BARD1: variants seen among roughly 807,000 people sequenced by gnomAD.
The protein encoded by BARD1 is BRCA1-associated RING domain protein 1.
A neutral mutation model predicts 77.0 loss-of-function variants in BARD1; 73 were observed. That is an observed-to-expected ratio of 0.95 (90% CI 0.79 to 1.15). BARD1 has a LOEUF of 1.15. Among genes scored for constraint, BARD1 ranks in the 50% most tolerant of loss-of-function variants. The pLI is 0.00. For missense variants in BARD1, 993 were observed against 938.8 expected, an observed-to-expected ratio of 1.06 and a Z score of -0.75; for synonymous variants, 384 against 338.0, an observed-to-expected ratio of 1.14 and a Z score of -1.49.
chr2:214,773,630 G>GT lies in BARD1; in HGVS notation c.1315-4319dup, dbSNP rs71822694. On this transcript the variant is annotated intron_variant, in intron 4 of 10. Coordinates refer to ENST00000260947, the MANE Select transcript of BARD1 (RefSeq NM_000465.4). ...TCTACTAAGTGTGCAATAGCATTAT[G>GT]TTTTTTAAAAAAAATGAACAGACCT... 6.2e-3 allele frequency among the ~76,000 whole-genome samples: 669 copies of GT among 107,412 alleles called. 2 individuals carry two copies. The highest frequency in any genetic ancestry group is 0.011 in the African/African-American group (374 of 34,840). 70.5% of individuals were successfully genotyped at this position (107,412 alleles called of 152,430 possible). A position where few individuals can be genotyped will look rare whatever the true frequency, so the allele number is the denominator to read the frequency against.
chr2:214,752,582 A>G, intron 6 of BARD1, 27 bp from the exon 7 acceptor site: 1 of 1,550,346 alleles, frequency 6.5e-7, no homozygotes, highest in African/African-American at 1.4e-5. Context: ...AGATGTGTTT[A>G]AGTAAGTCAA....
At chr2:214,776,174 T>A (rs1447959314) in intron 4 of BARD1, among the ~76,000 whole-genome samples, 2 of 152,184 alleles carry the variant, frequency 1.3e-5, no homozygotes, top group African/African-American at 4.8e-5. Context: ...TGCTGTGGCA[T>A]AAATTATGAG....
chr2:214,739,402 T>C (rs1692711671), intron 9 of BARD1, among the ~76,000 whole-genome samples: 1 of 152,126 alleles, frequency 6.6e-6, no homozygotes, highest in Admixed American at 6.5e-5. Context: ...ATTAAAGAAT[T>C]TCCTTTGATT....
intron 2 of BARD1, among the ~76,000 whole-genome samples, chr2:214,794,804 A>G (rs543563681): frequency 1.3e-5 from 2 of 152,340 alleles, no homozygotes; most frequent in South Asian, 4.1e-4. Flanking sequence ...CAAAATCTGC[A>G]TGAATAAAAA....
intron 2 of BARD1, among the ~76,000 whole-genome samples, chr2:214,796,053 G>A (rs1025766291): frequency 3.3e-5 from 5 of 152,024 alleles, no homozygotes; most frequent in African/African-American, 1.2e-4. Flanking sequence ...TCAAATTTCC[G>A]AATGTATTTG....
intron 4 of BARD1, among the ~76,000 whole-genome samples, chr2:214,772,122 T>G (rs1403743947): frequency 1.4e-5 from 2 of 147,154 alleles, no homozygotes; most frequent in Non-Finnish European, 3.0e-5. Context: ...TACATCACCA[T>G]GCCCAGCTAA....
chr2:214,750,385 G>A (rs1427254171), intron 7 of BARD1, among the ~76,000 whole-genome samples: 1 of 152,056 alleles, frequency 6.6e-6, no homozygotes, highest in Non-Finnish European at 1.5e-5. Context: ...TTCACAATCT[G>A]GTCCCAACCT....
In BARD1 at chr2:214,752,653, A is replaced by T; in HGVS notation, c.1569-98T>A. 3 of 879,984 alleles carry T rather than the reference A, an allele frequency of 3.4e-6. No homozygotes were observed. The South Asian group carries it at 4.1e-5, about 12-fold the overall frequency. The allele number at this position is 879,984 out of a possible 1,614,324, so 54.5% of individuals were successfully genotyped here. A position where few individuals can be genotyped will look rare whatever the true frequency, so the allele number is the denominator to read the frequency against. On this transcript the variant is annotated intron_variant, in intron 6 of 10. Transcript: ENST00000260947. ...TAATATACAATTTTAACTAAAATAA[A>T]TTACTCAGAACTCATATTAGGCAGA...
Position 214,767,520 on chromosome 2 carries a change from G to A in BARD1, c.1530C>T (p.Val510=). The part of the protein sequence containing the change: ...DAAKNGHVDI[V]KLLLSYGASR... ...AGGCTCCATAGGAAAGTAACAGCTT[G>A]ACTATATCCACATGCCCATTCTTGG... is the stretch of plus-strand genomic sequence containing the variant. The change falls in exon 6 of 11, where the codon GTC becomes GTT. Residue 510 remains valine, a synonymous_variant. Coordinates refer to ENST00000260947, the MANE Select transcript of BARD1 (RefSeq NM_000465.4). 6.2e-7 allele frequency: 1 copy of A among 1,613,964 alleles called. No individual in the cohort carries two copies. The highest frequency in any genetic ancestry group is 8.5e-7 in the Non-Finnish European group (1 of 1,179,886).
chr2:214,728,506 A>C lies in BARD1; in HGVS notation c.*170T>G. 1 of 687,460 alleles carries C rather than the reference A, an allele frequency of 1.5e-6. No homozygotes were observed. The highest frequency in any genetic ancestry group is 2.0e-5 in the South Asian group (1 of 50,226). The allele number at this position is 687,460 out of a possible 1,614,324, so 42.6% of individuals were successfully genotyped here. A position where few individuals can be genotyped will look rare whatever the true frequency, so the allele number is the denominator to read the frequency against. On this transcript the variant is annotated 3_prime_UTR_variant, in exon 11 of 11. Coordinates refer to ENST00000260947, the MANE Select transcript of BARD1 (RefSeq NM_000465.4). ...AGCAATCCCAGCTTCTAAATGGTAAACATAACATGAATTCCTAATCTGGCA... is the reference window on the plus strand; with the variant it reads ...AGCAATCCCAGCTTCTAAATGGTAACCATAACATGAATTCCTAATCTGGCA...
intron 1 of BARD1, among the ~76,000 whole-genome samples, chr2:214,800,673 GC>G (rs1374926725): frequency 4.6e-5 from 7 of 151,882 alleles, no homozygotes; most frequent in African/African-American, 1.7e-4. Flanking sequence ...CTAGATACTT[GC>G]AAAAATGAAA....
At position 214,728,586 on chromosome 2, in the gene BARD1, T is replaced by C; in HGVS notation, c.*90A>G. On this transcript the variant is annotated 3_prime_UTR_variant, in exon 11 of 11. Transcript: ENST00000260947. Reference sequence around the variant, plus strand: ...GACAAATATGAATGACTCTACCTATTTGTAAAAATGTGAACATTAAAAACA... The same window carrying C: ...GACAAATATGAATGACTCTACCTATCTGTAAAAATGTGAACATTAAAAACA... The C allele has an allele frequency of 2.4e-6, 3 of 1,268,674 alleles. No individual in the cohort carries two copies. Among genetic ancestry groups the C allele is most frequent in the Non-Finnish European group, 3.3e-6 (3 of 898,724 alleles). 78.6% of individuals were successfully genotyped at this position (1,268,674 alleles called of 1,614,324 possible).
intron 9 of BARD1, among the ~76,000 whole-genome samples, chr2:214,742,654 T>C (rs1692896134): frequency 6.6e-6 from 1 of 152,168 alleles, no homozygotes; most frequent in Admixed American, 6.5e-5. Context: ...AGTGGTTCTA[T>C]AAAAACGACA....
chr2:214,745,963 C>A, intron 7 of BARD1, 109 bp from the exon 8 acceptor site: 1 of 1,295,590 alleles, frequency 7.7e-7, no homozygotes, highest in South Asian at 1.2e-5. Flanking sequence ...TTAGTTTACT[C>A]TAATAATTTT....
intron 3 of BARD1, among the ~76,000 whole-genome samples, chr2:214,783,612 T>C (rs182772821): frequency 1.3e-5 from 2 of 152,144 alleles, no homozygotes; most frequent in South Asian, 2.1e-4. Context: ...ACCTAATGCA[T>C]GTGGGTCTTA....
chr2:214,794,497 A>G (rs181646226), intron 2 of BARD1, among the ~76,000 whole-genome samples: 2 of 152,130 alleles, frequency 1.3e-5, no homozygotes, highest in Admixed American at 6.5e-5. Context: ...GTGCCACTCT[A>G]TTTTTTTCTT....
intron 6 of BARD1, among the ~76,000 whole-genome samples, chr2:214,759,448 C>A (rs1334517537): frequency 1.3e-5 from 2 of 152,028 alleles, no homozygotes; most frequent in Non-Finnish European, 2.9e-5. Flanking sequence ...TATAAATACT[C>A]CCAGACAACA....
intron 7 of BARD1, 151 bp from the exon 8 acceptor site, chr2:214,746,005 C>T (rs1161177360): frequency 1.1e-6 from 1 of 934,554 alleles, no homozygotes; most frequent in East Asian, 2.6e-5. Flanking sequence ...CACCCAGAAC[C>T]TTTTAAATAA....
At chr2:214,781,610 C>G (rs1483908507) in intron 3 of BARD1, 101 bp from the exon 4 acceptor site, 1 of 871,598 alleles carries the variant, frequency 1.1e-6, no homozygotes, top group African/African-American at 1.7e-5. Context: ...AGTGTATCAT[C>G]TTTTAATTAT....
Sources: gnomAD v4.1 joint callset for allele counts (sites outside exome capture counted in the v4.1 genomes callset) on GRCh38, gnomAD v4.1.1 for gene constraint, MANE v1.5 for transcripts, NCBI Gene and HGNC (gene_info 2026-07-23, HGNC 2026-07-21) for gene names.